DCC: variants seen among roughly 807,000 people sequenced by gnomAD.
DCC encodes the protein netrin receptor DCC.
A neutral mutation model predicts 172.5 loss-of-function variants in DCC; 58 were observed. The observed-to-expected ratio is 0.34, with a 90% CI of 0.27 to 0.42. The LOEUF (loss-of-function observed/expected upper bound fraction) is 0.42, where lower values mean the gene tolerates loss of function less well. Among genes scored for constraint, DCC ranks in the 10% least tolerant of loss-of-function variants. The pLI, the probability that DCC is intolerant of heterozygous loss-of-function variation, is 1.00. For synonymous variants in DCC, 709 were observed against 644.5 expected (o/e 1.10, Z -1.52); for missense variants, 1,740 against 1,791.0 (o/e 0.97, Z 0.51).
At chr18:52,683,359 C>T (rs2035779417) in intron 1 of DCC, among the ~76,000 whole-genome samples, 2 of 152,108 alleles carry the variant, frequency 1.3e-5, no homozygotes, top group African/African-American at 4.8e-5. Flanking sequence ...ATGAACACTA[C>T]TAATCCTGTT....
At chr18:53,389,966 G>GA (rs997448053) in intron 16 of DCC, among the ~76,000 whole-genome samples, 2 of 152,154 alleles carry the variant, frequency 1.3e-5, no homozygotes, top group African/African-American at 4.8e-5. Flanking sequence ...TTGTAAATTA[G>GA]AAAACGTCCC....
intron 5 of DCC, among the ~76,000 whole-genome samples, chr18:52,937,027 G>A (rs529540921): frequency 6.6e-6 from 1 of 152,132 alleles, no homozygotes; most frequent in African/African-American, 2.4e-5. Context: ...ATTTGAGCAG[G>A]GAATCACCAA....
intron 1 of DCC, among the ~76,000 whole-genome samples, chr18:52,701,590 G>C (rs1051121775): frequency 2.6e-5 from 4 of 152,194 alleles, no homozygotes; most frequent in Admixed American, 1.3e-4. Context: ...ATATTTCTGA[G>C]GCTTATGTCT....
chr18:52,738,846 C>T (rs2036769533), intron 1 of DCC, among the ~76,000 whole-genome samples: 1 of 147,868 alleles, frequency 6.8e-6, no homozygotes, highest in Non-Finnish European at 1.5e-5. Flanking sequence ...CTCAAGCAGT[C>T]TTCCTGTCTT....
chr18:53,518,632 C>T (rs954097751), intron 27 of DCC, among the ~76,000 whole-genome samples: 2 of 152,120 alleles, frequency 1.3e-5, no homozygotes, highest in African/African-American at 4.8e-5. Flanking sequence ...ATTTTTTCCT[C>T]TTAGTGGGTC....
intron 12 of DCC, among the ~76,000 whole-genome samples, chr18:53,291,272 T>G (rs967895998): frequency 3.9e-5 from 6 of 152,226 alleles, no homozygotes; most frequent in Admixed American, 3.9e-4. Context: ...TATTTCATTT[T>G]GTAAGAGCCC....
rs2038877116 is a variant in DCC, at chr18:52,845,736, T to C, written c.413-60308T>C. Reference sequence around the variant, plus strand: ...TTCAGGCAAATTAAATTTAACAGCATTTATTTGAGTAAAGATCAAGTCATG... The same window carrying C: ...TTCAGGCAAATTAAATTTAACAGCACTTATTTGAGTAAAGATCAAGTCATG... On this transcript the variant is annotated intron_variant, in intron 2 of 28. Coordinates refer to ENST00000442544, the MANE Select transcript of DCC (RefSeq NM_005215.4). Among the ~76,000 whole-genome samples, 4 of 152,272 alleles carry C rather than the reference T, an allele frequency of 2.6e-5. 1 individual carries two copies. In the Middle Eastern group the frequency reaches 0.01, roughly 388 times the overall value.
chr18:53,277,790 G>C (rs2056823034), intron 12 of DCC, among the ~76,000 whole-genome samples: 1 of 152,118 alleles, frequency 6.6e-6, no homozygotes, highest in African/African-American at 2.4e-5. Context: ...TTACAGCCAG[G>C]TGAAACTCTG....
In DCC at chr18:53,269,474, T is replaced by G. The variant is rs2056722373; in HGVS notation, c.1912-36104T>G. ...CTCTCCACCATATCAACCTAGATCT[T>G]AAGTGAAAAAGTACAGGGGAAAATT... On this transcript the variant is annotated intron_variant, in intron 12 of 28. Coordinates refer to ENST00000442544, the MANE Select transcript of DCC (RefSeq NM_005215.4). 4.6e-5 allele frequency among the ~76,000 whole-genome samples: 7 copies of G among 152,146 alleles called. No individual in the cohort carries two copies. In the South Asian group the frequency reaches 1.5e-3, roughly 32 times the overall value.
At chr18:53,351,334 A>ACT (rs1491271027) in intron 15 of DCC, among the ~76,000 whole-genome samples, 6 of 17,064 alleles carry the variant, frequency 3.5e-4, no homozygotes, top group African/African-American at 1.1e-3. Context: ...ATATATATAC[A>ACT]GTGTATATAT....
chr18:52,537,723 G>T (rs969484274), intron 1 of DCC, among the ~76,000 whole-genome samples: 38 of 152,226 alleles, frequency 2.5e-4, no homozygotes, highest in African/African-American at 4.8e-4. Flanking sequence ...AGAGAAAATG[G>T]CATATGGCTC....
intron 9 of DCC, among the ~76,000 whole-genome samples, chr18:53,201,103 C>T (rs554515483): frequency 6.6e-6 from 1 of 152,228 alleles, no homozygotes; most frequent in South Asian, 2.1e-4. Flanking sequence ...AGAAACTTCC[C>T]ACACACTGCC....
intron 1 of DCC, among the ~76,000 whole-genome samples, chr18:52,644,818 A>C: frequency 1.8e-5 from 1 of 55,872 alleles, no homozygotes; most frequent in South Asian, 7.8e-4. Flanking sequence ...GAAGGGAGGG[A>C]GGGAGGGAGG....
intron 12 of DCC, among the ~76,000 whole-genome samples, chr18:53,257,889 G>T (rs759010908): frequency 1.1e-4 from 16 of 152,088 alleles, no homozygotes; most frequent in East Asian, 5.8e-4. Context: ...CAATTTCAGA[G>T]CCTGTTATTG....
intron 1 of DCC, among the ~76,000 whole-genome samples, chr18:52,462,379 G>A (rs1568181088): frequency 6.6e-6 from 1 of 151,886 alleles, no homozygotes; most frequent in Admixed American, 6.6e-5. Context: ...TACAATCTGT[G>A]TCCCCATTTT....
At position 52,658,034 on chromosome 18, in the gene DCC, G is replaced by A. The variant is rs553083022; in HGVS notation, c.92-94020G>A. Among the ~76,000 whole-genome samples the A allele has an allele frequency of 6.0e-4, 91 of 152,300 alleles. 1 individual carries two copies. Among genetic ancestry groups the A allele is most frequent in the African/African-American group, 2.1e-3 (89 of 41,568 alleles). On this transcript the variant is annotated intron_variant, in intron 1 of 28. Coordinates refer to ENST00000442544, the MANE Select transcript of DCC (RefSeq NM_005215.4). ...CTTAGCTAATTAAGAGCCAGACCTA[G>A]ATATTCCTCCCACTTAGTTGTTTTA...
intron 7 of DCC, among the ~76,000 whole-genome samples, chr18:53,139,020 C>T (rs1313459666): frequency 6.6e-6 from 1 of 152,128 alleles, no homozygotes; most frequent in Non-Finnish European, 1.5e-5. Flanking sequence ...GTTTGCAGAC[C>T]TTTTCTGCCC....
chr18:52,396,153 A>G (rs771681718), intron 1 of DCC, among the ~76,000 whole-genome samples: 1 of 151,852 alleles, frequency 6.6e-6, no homozygotes, highest in Admixed American at 6.6e-5. Context: ...GGGGTTCTCT[A>G]TGTATTTCCC....
chr18:52,374,709 A>G (rs1203077629), intron 1 of DCC, among the ~76,000 whole-genome samples: 2 of 152,224 alleles, frequency 1.3e-5, no homozygotes, highest in Non-Finnish European at 2.9e-5. Flanking sequence ...TGAGCTGGCC[A>G]TAATAAATTG....
Sources: allele counts gnomAD v4.1 joint callset (sites outside exome capture counted in the v4.1 genomes callset), GRCh38; gene constraint gnomAD v4.1.1; transcripts MANE v1.5; gene names NCBI Gene and HGNC (gene_info 2026-07-23, HGNC 2026-07-21).